GRM7: variants seen among roughly 807,000 people sequenced by gnomAD.
The protein encoded by GRM7 is metabotropic glutamate receptor 7.
A neutral mutation model predicts 84.5 loss-of-function variants in GRM7; 35 were observed. The ratio of observed to expected loss-of-function variants is 0.41; its 90% CI spans 0.32 to 0.55. The LOEUF (loss-of-function observed/expected upper bound fraction) is 0.55. Ranked by LOEUF, GRM7 falls within the 20% of genes least tolerant of loss-of-function variation. GRM7 has a pLI of 0.19. For missense variants in GRM7, 1,003 were observed against 1,194.6 expected, an observed-to-expected ratio of 0.84 and a Z score of 2.36; for synonymous variants, 487 against 455.1, an observed-to-expected ratio of 1.07 and a Z score of -0.89.
At chr3:7,496,896 A>G (rs539941086) in intron 7 of GRM7, among the ~76,000 whole-genome samples, 23 of 152,224 alleles carry the variant, frequency 1.5e-4, no homozygotes, top group African/African-American at 5.5e-4. Flanking sequence ...GTGAAAGGAT[A>G]TATGAAGTTT....
chr3:7,247,070 C>T (rs1213394718), intron 2 of GRM7, among the ~76,000 whole-genome samples: 1 of 152,012 alleles, frequency 6.6e-6, no homozygotes, highest in East Asian at 1.9e-4. Context: ...AAAATCTTTT[C>T]AATCTATATT....
intron 1 of GRM7, among the ~76,000 whole-genome samples, chr3:7,101,713 T>A (rs1381713870): frequency 1.3e-5 from 2 of 149,898 alleles, no homozygotes; most frequent in Non-Finnish European, 3.0e-5. Context: ...GTTTTCATAG[T>A]TTTTGCTTTA....
At chr3:7,097,110 C>T (rs1698884561) in intron 1 of GRM7, among the ~76,000 whole-genome samples, 1 of 152,116 alleles carries the variant, frequency 6.6e-6, no homozygotes, top group Non-Finnish European at 1.5e-5. Context: ...TGAAGTCACC[C>T]ATGCATGCTG....
At position 7,125,139 on chromosome 3, in the gene GRM7, C is replaced by T. The variant is rs558493089; in HGVS notation, c.520-21313C>T. 1.3e-4 allele frequency among the ~76,000 whole-genome samples: 20 copies of T among 152,204 alleles called. No individual in the cohort carries two copies. In the East Asian group the frequency reaches 3.5e-3, roughly 27 times the overall value. ...ATTTTTAGTAGATATGGGGTTTCGC[C>T]TTGTTGGCCAGGCTGGTCTCAAACT... On this transcript the variant is annotated intron_variant, in intron 1 of 9. Transcript: ENST00000357716.
intron 2 of GRM7, among the ~76,000 whole-genome samples, chr3:7,253,426 C>A (rs959814817): frequency 6.6e-5 from 10 of 151,846 alleles, no homozygotes; most frequent in African/African-American, 1.9e-4. Flanking sequence ...TCCAGCCTGG[C>A]CAATATGGTG....
intron 8 of GRM7, among the ~76,000 whole-genome samples, chr3:7,652,798 AGT>A (rs1699005230): frequency 6.6e-6 from 1 of 152,228 alleles, no homozygotes; most frequent in African/African-American, 2.4e-5. Flanking sequence ...TAAAAATTAG[AGT>A]GTTTTCTGAG....
chr3:7,615,337 G>A (rs17047724), intron 8 of GRM7, among the ~76,000 whole-genome samples: 2,929 of 152,026 alleles, frequency 0.019, 103 homozygotes, highest in African/African-American at 0.065. Context: ...ACTGGGACTC[G>A]AAGTTTAGGT....
chr3:7,351,805 C>T (rs1693160650), intron 4 of GRM7, among the ~76,000 whole-genome samples: 1 of 151,890 alleles, frequency 6.6e-6, no homozygotes, highest in Non-Finnish European at 1.5e-5. Flanking sequence ...GTTCCACCAG[C>T]AGACTCCCAG....
chr3:7,554,685 C>T (rs1693676593), intron 7 of GRM7, among the ~76,000 whole-genome samples: 1 of 152,114 alleles, frequency 6.6e-6, no homozygotes, highest in African/African-American at 2.4e-5. Flanking sequence ...GTCCTGGGCT[C>T]CATTCAGTCT....
intron 2 of GRM7, among the ~76,000 whole-genome samples, chr3:7,257,486 G>A (rs758021234): frequency 1.3e-5 from 2 of 152,176 alleles, no homozygotes; most frequent in African/African-American, 2.4e-5. Flanking sequence ...AGTATTCAGA[G>A]ATGGAAGCTG....
At chr3:7,242,969 T>C (rs1697616854) in intron 2 of GRM7, among the ~76,000 whole-genome samples, 1 of 152,256 alleles carries the variant, frequency 6.6e-6, no homozygotes, top group African/African-American at 2.4e-5. Flanking sequence ...TAACCTATTA[T>C]AGCTTTCTCC....
chr3:7,354,498 G>A (rs970264104), intron 4 of GRM7, among the ~76,000 whole-genome samples: 1 of 152,104 alleles, frequency 6.6e-6, no homozygotes, highest in African/African-American at 2.4e-5. Context: ...AATGGAAAAG[G>A]CCAAATGGAA....
chr3:7,126,191 C>G (rs1326615914), intron 1 of GRM7, among the ~76,000 whole-genome samples: 1 of 152,142 alleles, frequency 6.6e-6, no homozygotes, highest in African/African-American at 2.4e-5. Context: ...TGCCTAGGGC[C>G]TTAAGTGAAC....
At chr3:7,383,986 G>A (rs1400803513) in intron 4 of GRM7, among the ~76,000 whole-genome samples, 1 of 152,106 alleles carries the variant, frequency 6.6e-6, no homozygotes, top group Non-Finnish European at 1.5e-5. Flanking sequence ...AGGGTAAAAT[G>A]AAATTTTAAT....
chr3:7,701,549 C>T (rs1195240847), intron 9 of GRM7, among the ~76,000 whole-genome samples: 5 of 152,030 alleles, frequency 3.3e-5, no homozygotes, highest in Non-Finnish European at 7.4e-5. Flanking sequence ...GTGATCCACT[C>T]GCCTCGGCCC....
chr3:7,280,517 T>C (rs1002431357), intron 2 of GRM7, among the ~76,000 whole-genome samples: 20 of 152,216 alleles, frequency 1.3e-4, no homozygotes, highest in Non-Finnish European at 2.2e-4. Flanking sequence ...GTGTATGTGA[T>C]GACTTTGCAC....
chr3:7,269,421 GT>G (rs1442166111), intron 2 of GRM7, among the ~76,000 whole-genome samples: 1 of 134,356 alleles, frequency 7.4e-6, no homozygotes, highest in African/African-American at 2.8e-5. Context: ...GCCTGGAGAG[GT>G]TTAAAATATT....
In GRM7 at chr3:6,966,432, C is replaced by A. The variant is rs78105098; in HGVS notation, c.519+104525C>A. Among the ~76,000 whole-genome samples, 1,113 of 152,298 alleles carry A rather than the reference C, an allele frequency of 7.3e-3. 12 individuals are homozygous for A. Among genetic ancestry groups the A allele is most frequent in the African/African-American group, 0.025 (1,034 of 41,572 alleles). On this transcript the variant is annotated intron_variant, in intron 1 of 9. Transcript: ENST00000357716. ...TTTTCTGGGGTCTCCAGCTAATAAACAGAAGCTGTTATATTTTTGCAGTTT... is the reference window on the plus strand; with the variant it reads ...TTTTCTGGGGTCTCCAGCTAATAAAAAGAAGCTGTTATATTTTTGCAGTTT...
intron 1 of GRM7, among the ~76,000 whole-genome samples, chr3:7,028,529 ATC>A (rs1696063848): frequency 6.6e-6 from 1 of 152,216 alleles, no homozygotes; most frequent in Non-Finnish European, 1.5e-5. Flanking sequence ...TACCAGATTT[ATC>A]CTCTTGCCTA....
Sources: gnomAD v4.1 joint callset for allele counts (sites outside exome capture counted in the v4.1 genomes callset) on GRCh38, gnomAD v4.1.1 for gene constraint, MANE v1.5 for transcripts, NCBI Gene and HGNC (gene_info 2026-07-23, HGNC 2026-07-21) for gene names.